JAZF1: variants seen among roughly 807,000 people sequenced by gnomAD.
JAZF1 encodes the protein JAZF zinc finger 1.
Under a neutral mutation model 26.4 loss-of-function variants are expected in JAZF1, and 8 were observed. That is an observed-to-expected ratio of 0.30 (90% CI 0.18 to 0.55). The LOEUF (loss-of-function observed/expected upper bound fraction) is 0.55. Among genes scored for constraint, JAZF1 ranks in the 20% least tolerant of loss-of-function variants. The pLI, the probability that JAZF1 is intolerant of heterozygous loss-of-function variation, is 0.94. For missense variants in JAZF1, 199 were observed against 322.0 expected (o/e 0.62, Z 2.92); for synonymous variants, 126 against 122.3 (o/e 1.03, Z -0.20).
chr7:28,154,350 AGTCTCCAATGG>A (rs567469495), intron 1 of JAZF1, among the ~76,000 whole-genome samples: 26 of 152,332 alleles, frequency 1.7e-4, no homozygotes, highest in Admixed American at 1.5e-3. Context: ...TCCCTACAGA[AGTCTCCAATGG>A]GTAGAGCAGA....
chr7:28,164,517 A>C (rs1783336420), intron 1 of JAZF1, among the ~76,000 whole-genome samples: 1 of 152,214 alleles, frequency 6.6e-6, no homozygotes. Context: ...CGGTAAAACA[A>C]ATGGCTTATT....
At chr7:28,147,172 G>C (rs1783040752) in intron 1 of JAZF1, among the ~76,000 whole-genome samples, 1 of 151,586 alleles carries the variant, frequency 6.6e-6, no homozygotes, top group Non-Finnish European at 1.5e-5. Flanking sequence ...TTTGGCGTTT[G>C]GGATATTTGC....
intron 3 of JAZF1, among the ~76,000 whole-genome samples, chr7:27,881,877 G>C (rs1336561639): frequency 1.3e-5 from 2 of 152,166 alleles, no homozygotes; most frequent in South Asian, 2.1e-4. Flanking sequence ...GCTTATCTTA[G>C]AGAGCTCACA....
chr7:28,154,802 T>C (rs1359793324), intron 1 of JAZF1, among the ~76,000 whole-genome samples: 1 of 152,018 alleles, frequency 6.6e-6, no homozygotes, highest in Non-Finnish European at 1.5e-5. Flanking sequence ...ATATTCTATT[T>C]CCTACTAAGA....
At chr7:28,177,329 T>C (rs1048315055) in intron 1 of JAZF1, among the ~76,000 whole-genome samples, 9 of 152,190 alleles carry the variant, frequency 5.9e-5, no homozygotes, top group African/African-American at 1.9e-4. Flanking sequence ...TTGTTCATTA[T>C]GGGGAGAGGA....
chr7:28,083,794 A>G (rs1562581668), intron 1 of JAZF1, among the ~76,000 whole-genome samples: 1 of 151,864 alleles, frequency 6.6e-6, no homozygotes, highest in Non-Finnish European at 1.5e-5. Context: ...GGGCCCTGAC[A>G]TTGGGTAAGA....
chr7:27,925,795 G>A (rs1203116606), intron 2 of JAZF1, among the ~76,000 whole-genome samples: 2 of 152,206 alleles, frequency 1.3e-5, no homozygotes, highest in African/African-American at 4.8e-5. Context: ...ACCCATCGGA[G>A]GAGTTCTTAA....
intron 2 of JAZF1, among the ~76,000 whole-genome samples, chr7:27,926,405 T>G (rs964111169): frequency 6.6e-6 from 1 of 152,160 alleles, no homozygotes; most frequent in African/African-American, 2.4e-5. Flanking sequence ...GGCTCGCACT[T>G]TTTCCTTAAC....
At chr7:27,972,853 A>G in intron 2 of JAZF1, among the ~76,000 whole-genome samples, 1 of 152,044 alleles carries the variant, frequency 6.6e-6, no homozygotes, top group South Asian at 2.1e-4. Context: ...ATATATATAT[A>G]TACACACACA....
chr7:28,094,453 C>T (rs1280696121), intron 1 of JAZF1, among the ~76,000 whole-genome samples: 7 of 152,192 alleles, frequency 4.6e-5, no homozygotes, highest in African/African-American at 7.2e-5. Flanking sequence ...TCTGCCTATC[C>T]GCTCCGTAGC....
At chr7:27,989,586 G>GA (rs939522401) in intron 2 of JAZF1, among the ~76,000 whole-genome samples, 1 of 152,056 alleles carries the variant, frequency 6.6e-6, no homozygotes, top group Non-Finnish European at 1.5e-5. Context: ...AAATTTACAA[G>GA]AAAAAAATCA....
chr7:28,077,715 G>A lies in JAZF1; in HGVS notation c.116-85734C>T, dbSNP rs191282678. Among the ~76,000 whole-genome samples, 170 of 152,202 alleles carry A rather than the reference G, an allele frequency of 1.1e-3. 1 individual carries two copies. The highest frequency in any genetic ancestry group is 3.8e-3 in the African/African-American group (159 of 41,526). On this transcript the variant is annotated intron_variant, in intron 1 of 4. Transcript: ENST00000283928. ...GGAGCTTAGAAAAATCTTCATCTGGGTGTACAAAAACAGGGTGCTTTGTTT... is the reference window on the plus strand; with the variant it reads ...GGAGCTTAGAAAAATCTTCATCTGGATGTACAAAAACAGGGTGCTTTGTTT...
intron 1 of JAZF1, among the ~76,000 whole-genome samples, chr7:28,032,389 C>G (rs978592765): frequency 3.3e-5 from 5 of 152,120 alleles, no homozygotes; most frequent in Non-Finnish European, 7.3e-5. Context: ...AAGTTACTGG[C>G]TTTCTTTGTA....
At chr7:27,979,764 C>T (rs1021390715) in intron 2 of JAZF1, among the ~76,000 whole-genome samples, 3 of 152,202 alleles carry the variant, frequency 2.0e-5, no homozygotes, top group East Asian at 1.9e-4. Context: ...TGGTGAGTCA[C>T]GATGGAGAAT....
At chr7:27,841,515 G>A (rs1782920663) in intron 3 of JAZF1, 1 of 152,372 alleles carries the variant, frequency 6.6e-6, no homozygotes, top group Non-Finnish European at 1.5e-5. Flanking sequence ...GGTAGCTCCT[G>A]GAAGACGAAG....
intron 3 of JAZF1, among the ~76,000 whole-genome samples, chr7:27,852,530 A>G (rs1458087181): frequency 2.0e-5 from 3 of 152,072 alleles, no homozygotes; most frequent in Non-Finnish European, 4.4e-5. Flanking sequence ...GCACACGGCC[A>G]TTCTCCCATC....
At chr7:27,984,775 A>G (rs1352061825) in intron 2 of JAZF1, among the ~76,000 whole-genome samples, 3 of 152,256 alleles carry the variant, frequency 2.0e-5, no homozygotes, top group Non-Finnish European at 4.4e-5. Context: ...AGTGCAATCA[A>G]ACTAGAACTC....
intron 3 of JAZF1, among the ~76,000 whole-genome samples, chr7:27,883,241 C>A (rs775891309): frequency 1.3e-5 from 2 of 152,098 alleles, no homozygotes; most frequent in Non-Finnish European, 2.9e-5. Flanking sequence ...AATGCAGAGA[C>A]CCCTGCTGGG....
intron 3 of JAZF1, among the ~76,000 whole-genome samples, chr7:27,857,431 G>A (rs1395011206): frequency 6.6e-6 from 1 of 152,190 alleles, no homozygotes; most frequent in African/African-American, 2.4e-5. Context: ...GCTGGCTCTG[G>A]CCTTGGCCAG....
Sources: allele counts gnomAD v4.1 joint callset (sites outside exome capture counted in the v4.1 genomes callset), GRCh38; gene constraint gnomAD v4.1.1; transcripts MANE v1.5; gene names NCBI Gene and HGNC (gene_info 2026-07-23, HGNC 2026-07-21).